Variants in RASEF observed in about 807,000 individuals in gnomAD.
RASEF encodes the protein RAS and EF-hand domain containing.
In RASEF, 68 loss-of-function variants were observed where a neutral mutation model predicts 90.1. The observed-to-expected ratio is 0.75, with a 90% CI of 0.62 to 0.92. The LOEUF (loss-of-function observed/expected upper bound fraction) is 0.92, where lower values mean the gene tolerates loss of function less well. RASEF is among the 40% of genes least tolerant of loss of function. The pLI is 0.00. For synonymous variants in RASEF, 331 were observed against 345.2 expected, an observed-to-expected ratio of 0.96 and a Z score of 0.46; for missense variants, 949 against 937.2, an observed-to-expected ratio of 1.01 and a Z score of -0.16.
At chr9:83,123,237 C>CAAAAA in the RASEF span, among the ~76,000 whole-genome samples, 161 of 83,338 alleles carry the variant, frequency 1.9e-3, 10 homozygotes, top group African/African-American at 6.5e-3. Context: ...GAGACTCCAT[C>CAAAAA]AAAAAAAAAA....
chr9:83,007,465 T>C lies in RASEF; in HGVS notation c.1000A>G (p.Ser334Gly). 1 of 1,612,940 alleles carries C rather than the reference T, an allele frequency of 6.2e-7. No individual in the cohort carries two copies. The highest frequency in any genetic ancestry group is 1.1e-5 in the South Asian group (1 of 91,066). ...AGTATTTCAATTTGCCTCTCAAGAC[T>C]ATTTCGATCTTCTGTGTATGCTCGG... is the stretch of plus-strand genomic sequence containing the variant. The part of the protein sequence containing the change: ...IIRAYTEDRN[S>G]LERQIEILQT... Residue 334 changes from serine to glycine, a missense_variant, in exon 7 of 17, where the codon AGT becomes GGT. Around this residue, in one of 3 missense-constraint regions of RASEF, gnomAD observed 656 missense variants for 592.2 expected, o/e 1.11. Coordinates refer to ENST00000376447, the MANE Select transcript of RASEF (RefSeq NM_152573.4).
intron 6 of RASEF, among the ~76,000 whole-genome samples, chr9:83,008,621 CT>C (rs1429133310): frequency 6.6e-6 from 1 of 151,996 alleles, no homozygotes; most frequent in Admixed American, 6.6e-5. Flanking sequence ...GTGCCACCAG[CT>C]CTGAGTTGCT....
rs1163362043 is a variant in RASEF, at chr9:82,980,535, G to GT, written c.*2141dup. The GT allele has an allele frequency of 1.3e-5, 2 of 152,278 alleles. No individual in the cohort carries two copies. Among genetic ancestry groups the GT allele is most frequent in the Non-Finnish European group, 2.9e-5 (2 of 68,024 alleles). 9.4% of individuals were successfully genotyped at this position (152,278 alleles called of 1,614,324 possible). On this transcript the variant is annotated 3_prime_UTR_variant, in exon 17 of 17. Transcript: ENST00000376447. ...AGGTAAAGACTATGAAAATACTTCT[G>GT]TATTATGGTATACTCTTTCACAGAT...
the RASEF span, among the ~76,000 whole-genome samples, chr9:83,162,489 T>A: frequency 6.6e-6 from 1 of 152,190 alleles, no homozygotes; most frequent in Non-Finnish European, 1.5e-5. Context: ...GGAAATCGTT[T>A]TTGAATGAAA....
chr9:83,017,355 C>G (rs1219743451), intron 3 of RASEF, among the ~76,000 whole-genome samples: 3 of 151,000 alleles, frequency 2.0e-5, no homozygotes, highest in Admixed American at 2.0e-4. Flanking sequence ...AAGAAATTAG[C>G]CGGGTGTGGT....
At chr9:83,157,228 A>C in the RASEF span, among the ~76,000 whole-genome samples, 1 of 152,226 alleles carries the variant, frequency 6.6e-6, no homozygotes, top group African/African-American at 2.4e-5. Context: ...GTATGCATAA[A>C]ATAGGGACTT....
intron 2 of RASEF, among the ~76,000 whole-genome samples, chr9:83,025,410 G>A (rs139010155): frequency 1.3e-5 from 2 of 152,338 alleles, no homozygotes; most frequent in East Asian, 3.9e-4. Flanking sequence ...TAAGTAACCT[G>A]CTCACAAAGT....
chr9:83,184,175 T>C, the RASEF span, among the ~76,000 whole-genome samples: 1 of 152,130 alleles, frequency 6.6e-6, no homozygotes, highest in African/African-American at 2.4e-5. Flanking sequence ...TATTGGCCAA[T>C]CACTAAGGTA....
upstream of RASEF, among the ~76,000 whole-genome samples, chr9:83,067,584 CATT>C (rs1830292365): frequency 1.3e-5 from 2 of 152,118 alleles, no homozygotes; most frequent in Admixed American, 6.5e-5. Context: ...TAATGTATAG[CATT>C]GTTGTGTATG....
At chr9:83,169,035 C>A in the RASEF span, among the ~76,000 whole-genome samples, 14 of 149,786 alleles carry the variant, frequency 9.3e-5, no homozygotes, top group Admixed American at 2.7e-4. Flanking sequence ...ATTCTATTTG[C>A]TACCTCCAAG....
At chr9:83,092,003 C>CTTTTTTTTTTTTTTTTTTCTTT in the RASEF span, among the ~76,000 whole-genome samples, 1 of 35,920 alleles carries the variant, frequency 2.8e-5, no homozygotes, top group African/African-American at 9.3e-5. Context: ...TCTTTTATTT[C>CTTTTTTTTTTTTTTTTTTCTTT]TTTTTTTTTT....
Position 83,020,838 on chromosome 9 carries a change from G to A in RASEF, c.669+1498C>T, listed in dbSNP as rs11139901. 8.5e-5 allele frequency among the ~76,000 whole-genome samples: 13 copies of A among 152,226 alleles called. 1 individual carries two copies. In the East Asian group the frequency reaches 2.5e-3, roughly 29 times the overall value. On this transcript the variant is annotated intron_variant, in intron 3 of 16. Transcript: ENST00000376447. ...ATAAGTGTTTGATGAATGAATTTGT[G>A]CACAGATTAAACACAGCAGATGGAG...
chr9:83,133,988 T>C, the RASEF span, among the ~76,000 whole-genome samples: 4 of 152,178 alleles, frequency 2.6e-5, no homozygotes, highest in Non-Finnish European at 4.4e-5. Flanking sequence ...TATCTACTTA[T>C]CGAAGCAAAT....
chr9:83,077,940 A>G, the RASEF span, among the ~76,000 whole-genome samples: 3 of 152,228 alleles, frequency 2.0e-5, no homozygotes, highest in African/African-American at 4.8e-5. Flanking sequence ...AATCATGGAC[A>G]ATTTTGATCC....
chr9:83,213,065 C>T, the RASEF span, among the ~76,000 whole-genome samples: 73 of 149,168 alleles, frequency 4.9e-4, no homozygotes, highest in African/African-American at 1.7e-3. Context: ...TACGATAAAC[C>T]GGGAAACAAT....
intron 15 of RASEF, among the ~76,000 whole-genome samples, chr9:82,992,266 C>T: frequency 6.6e-6 from 1 of 152,080 alleles, no homozygotes. Flanking sequence ...ATGGGTAAGA[C>T]AGGTCATAAC....
At chr9:83,196,149 T>C in the RASEF span, among the ~76,000 whole-genome samples, 23 of 152,146 alleles carry the variant, frequency 1.5e-4, no homozygotes, top group Non-Finnish European at 3.1e-4. Context: ...AAAGGATCAA[T>C]TGGATCAAGT....
chr9:83,205,598 T>A, the RASEF span, among the ~76,000 whole-genome samples: 1 of 152,098 alleles, frequency 6.6e-6, no homozygotes, highest in Non-Finnish European at 1.5e-5. Flanking sequence ...CACTTCTCCC[T>A]CTCTTGCTCC....
At chr9:83,176,823 A>G in the RASEF span, among the ~76,000 whole-genome samples, 1 of 152,088 alleles carries the variant, frequency 6.6e-6, no homozygotes, top group African/African-American at 2.4e-5. Flanking sequence ...TAATCTATAT[A>G]TGGTACAAAC....
Sources: gnomAD v4.1 joint callset for allele counts (sites outside exome capture counted in the v4.1 genomes callset) on GRCh38, gnomAD v4.1.1 for gene constraint, gnomAD v4.1.1 regional missense constraint, MANE v1.5 for transcripts, NCBI Gene and HGNC (gene_info 2026-07-23, HGNC 2026-07-21) for gene names.